TEAD3: variants seen among roughly 807,000 people sequenced by gnomAD.
TEAD3 encodes the protein TEA domain transcription factor 3.
Under a neutral mutation model 55.6 loss-of-function variants are expected in TEAD3, and 15 were observed. That is an observed-to-expected ratio of 0.27 (90% CI 0.18 to 0.42). TEAD3 has a LOEUF of 0.42. TEAD3 is among the 10% of genes least tolerant of loss of function. The pLI is 1.00. For synonymous variants in TEAD3, 210 were observed against 232.2 expected (o/e 0.90, Z 0.87); for missense variants, 407 against 576.8 (o/e 0.71, Z 3.01).
At chr6:35,478,182 T>G (rs1474625574) in intron 7 of TEAD3, 93 bp downstream of exon 7, 28 of 1,492,540 alleles carry the variant, frequency 1.9e-5, no homozygotes, top group Non-Finnish European at 2.5e-5. Flanking sequence ...GAATTAAAAC[T>G]TTGCTCAGCT....
In TEAD3 at chr6:35,493,504, G is replaced by A. The variant is rs182280725; in HGVS notation, c.-50+3394C>T. 6.1e-4 allele frequency among the ~76,000 whole-genome samples: 93 copies of A among 152,190 alleles called. No homozygotes were observed. In the East Asian group the frequency reaches 0.012, roughly 19 times the overall value. ...CACGGTTTCTCTCACATACGGTGTCGCTTTCTGGTGCTCAGTGTCACCCAC... is the reference window on the plus strand; with the variant it reads ...CACGGTTTCTCTCACATACGGTGTCACTTTCTGGTGCTCAGTGTCACCCAC... On this transcript the variant is annotated intron_variant, in intron 1 of 12. Coordinates refer to ENST00000639578, the Ensembl canonical transcript of TEAD3.
rs1022724919 is a variant in TEAD3, at chr6:35,486,313, C to A, written c.202+148G>T. 4 of 950,196 alleles carry A rather than the reference C, an allele frequency of 4.2e-6. No homozygotes were observed. Among genetic ancestry groups the A allele is most frequent in the Non-Finnish European group, 6.1e-6 (4 of 652,276 alleles). The allele number at this position is 950,196 out of a possible 1,614,324, so 58.9% of individuals were successfully genotyped here. On this transcript the variant is annotated intron_variant, in intron 2 of 12. Transcript: ENST00000639578. The surrounding 1 kb of genome is among the most constrained non-coding windows in gnomAD (Gnocchi z 7.3). ...AGCCCGGCTTGTTTATGAGGAGGAG[C>A]GCGGAGGAGGATCCAGACACACAGG...
rs1025812890 is a variant in TEAD3 at position 35,488,784 on chromosome 6, C to T, written c.-49-2073G>A. On this transcript the variant is annotated intron_variant, in intron 1 of 12. Coordinates refer to ENST00000639578, the Ensembl canonical transcript of TEAD3. The surrounding 1 kb of genome is among the most constrained non-coding windows in gnomAD (Gnocchi z 4.2). ...TGTCGCCCAGGCTAGAGTGCAATGG[C>T]GCGATCTCTGCTCACCGCAACCTCC... Among the ~76,000 whole-genome samples the T allele has an allele frequency of 8.5e-5, 13 of 152,198 alleles. No homozygotes were observed. Among genetic ancestry groups the T allele is most frequent in the South Asian group, 6.2e-4 (3 of 4,824 alleles).
rs927461634 is a variant in TEAD3 at position 35,486,089 on chromosome 6, C to T, written c.202+372G>A. Among the ~76,000 whole-genome samples the T allele has an allele frequency of 6.6e-6, 1 of 152,218 alleles. No individual in the cohort carries two copies. Among genetic ancestry groups the T allele is most frequent in the South Asian group, 2.1e-4 (1 of 4,836 alleles). ...AGAACTATACGGGCTGTGGGAGTCA[C>T]CGGGCGACTATCACCGGGCCTCCTT... On this transcript the variant is annotated intron_variant, in intron 2 of 12. Transcript: ENST00000639578. The surrounding 1 kb of genome is among the most constrained non-coding windows in gnomAD (Gnocchi z 7.3).
At chr6:35,479,477 T>G (rs1187937141) in intron 4 of TEAD3, among the ~76,000 whole-genome samples, 161 bp from the exon 5 acceptor site, 1 of 151,950 alleles carries the variant, frequency 6.6e-6, no homozygotes, top group Non-Finnish European at 1.5e-5. Flanking sequence ...ACAGAGGGAG[T>G]GCCTGCCAGC....
At chr6:35,480,502 A>G in intron 3 of TEAD3, 128 bp from the exon 4 acceptor site, 2 of 948,588 alleles carry the variant, frequency 2.1e-6, no homozygotes, top group Non-Finnish European at 3.2e-6. Context: ...AAATGGGGGG[A>G]CCTTTTTTCT....
intron 3 of TEAD3, among the ~76,000 whole-genome samples, chr6:35,481,405 A>C (rs1233708864): frequency 6.6e-6 from 1 of 152,156 alleles, no homozygotes; most frequent in African/African-American, 2.4e-5. Flanking sequence ...TCCCACAAAG[A>C]AAGCTCGTTT....
At chr6:35,477,026 G>T (rs1300058968) in intron 8 of TEAD3, among the ~76,000 whole-genome samples, 1 of 152,152 alleles carries the variant, frequency 6.6e-6, no homozygotes, top group Non-Finnish European at 1.5e-5. Flanking sequence ...TCACCATGTT[G>T]TTCAGGCTGG....
chr6:35,474,244 G>C (rs1409028312), downstream of TEAD3: 4 of 152,674 alleles, frequency 2.6e-5, no homozygotes, highest in African/African-American at 9.7e-5. Flanking sequence ...AGGTGCTAAT[G>C]GGGTCTAGTA....
At chr6:35,481,541 C>A (rs949240314) in intron 3 of TEAD3, among the ~76,000 whole-genome samples, 4 of 152,200 alleles carry the variant, frequency 2.6e-5, no homozygotes, top group East Asian at 1.9e-4. Context: ...AAATTACTGA[C>A]CACTTCACGC....
chr6:35,481,549 C>T (rs9394299), intron 3 of TEAD3, among the ~76,000 whole-genome samples: 43,758 of 152,178 alleles, frequency 0.29, 10,815 homozygotes, highest in African/African-American at 0.67. Flanking sequence ...GACCACTTCA[C>T]GCTGTGACAG....
In TEAD3 at chr6:35,488,459, G is replaced by A. The variant is rs987485553; in HGVS notation, c.-49-1748C>T. Among the ~76,000 whole-genome samples, 2 of 152,092 alleles carry A rather than the reference G, an allele frequency of 1.3e-5. No individual in the cohort carries two copies. The highest frequency in any genetic ancestry group is 2.9e-5 in the Non-Finnish European group (2 of 68,016). Reference sequence around the variant, plus strand: ...TGTATTCAGGGTCCTGGAAACCTAAGAGCCCATGATGGCTGGATCCTGGGA... The same window carrying A: ...TGTATTCAGGGTCCTGGAAACCTAAAAGCCCATGATGGCTGGATCCTGGGA... On this transcript the variant is annotated intron_variant, in intron 1 of 12. Coordinates refer to ENST00000639578, the Ensembl canonical transcript of TEAD3. This position sits in a 1 kb window ranked among gnomAD's most constrained non-coding sequence, Gnocchi z 4.2.
Position 35,480,293 on chromosome 6 carries a change from C to T in TEAD3, c.268-171G>A, listed in dbSNP as rs755231398. ...GGGGCCCAGGAGGGCTGAAGGCCCC[C>T]GCCAGGCACCCAACATACCTTGATG... On this transcript the variant is annotated intron_variant, in intron 3 of 12. Transcript: ENST00000639578. The T allele has an allele frequency of 3.8e-5, 61 of 1,612,420 alleles. No individual in the cohort carries two copies. Among genetic ancestry groups the T allele is most frequent in the Non-Finnish European group, 4.7e-5 (56 of 1,179,290 alleles).
At chr6:35,495,149 G>A (rs1271300851) in intron 1 of TEAD3, among the ~76,000 whole-genome samples, 2 of 152,214 alleles carry the variant, frequency 1.3e-5, no homozygotes, top group Non-Finnish European at 2.9e-5. Context: ...AGGTCCGGAG[G>A]GGACCAGATC....
chr6:35,475,266 G>A lies in TEAD3; in HGVS notation c.1194+70C>T, dbSNP rs753037524. 5.9e-5 allele frequency: 94 copies of A among 1,603,794 alleles called. No homozygotes were observed. Among genetic ancestry groups the A allele is most frequent in the Non-Finnish European group, 7.9e-5 (93 of 1,173,342 alleles). ...CCGGATCTATGCCTCTCAGCCAAGC[G>A]ATGTGTCTGGCTACCCAACTTGGAG... is the stretch of plus-strand genomic sequence containing the variant. On this transcript the variant is annotated intron_variant, in intron 12 of 12. Coordinates refer to ENST00000639578, the Ensembl canonical transcript of TEAD3. The surrounding 1 kb of genome is among the most constrained non-coding windows in gnomAD (Gnocchi z 5.4).
chr6:35,492,948 A>G (rs916208241), intron 1 of TEAD3, among the ~76,000 whole-genome samples: 9 of 152,004 alleles, frequency 5.9e-5, no homozygotes, highest in African/African-American at 1.7e-4. Flanking sequence ...GAGACAGACT[A>G]TAGGGGGTCA....
chr6:35,476,071 G>A, exon 10 of TEAD3: 1 of 1,537,886 alleles, frequency 6.5e-7, no homozygotes, highest in Non-Finnish European at 8.8e-7. Flanking sequence ...TGGCCGATGT[G>A]CACAAACAGG....
chr6:35,477,999 C>T (rs1768187358), intron 7 of TEAD3, among the ~76,000 whole-genome samples: 1 of 150,922 alleles, frequency 6.6e-6, no homozygotes, highest in Non-Finnish European at 1.5e-5. Context: ...TACAGGCACG[C>T]ACCACCACAC....
At position 35,486,773 on chromosome 6, in the gene TEAD3, C is replaced by T. The variant is rs1443269172; in HGVS notation, c.-49-62G>A. The T allele has an allele frequency of 5.8e-6, 7 of 1,204,466 alleles. No individual in the cohort carries two copies. In the African/African-American group the frequency reaches 9.0e-5, roughly 16 times the overall value. The allele number at this position is 1,204,466 out of a possible 1,614,324, so 74.6% of individuals were successfully genotyped here. ...CTCCTCGACCACAGCAATCTCCTAT[C>T]CCACAGCCGCTGGCTCTGGAGCTCC... On this transcript the variant is annotated intron_variant, in intron 1 of 12. Coordinates refer to ENST00000639578, the Ensembl canonical transcript of TEAD3. This position sits in a 1 kb window ranked among gnomAD's most constrained non-coding sequence, Gnocchi z 7.3.
Sources: gnomAD v4.1 joint callset for allele counts (sites outside exome capture counted in the v4.1 genomes callset) on GRCh38, gnomAD v4.1.1 for gene constraint, Gnocchi (gnomAD v3.1) non-coding constraint, MANE v1.5 for transcripts, NCBI Gene and HGNC (gene_info 2026-07-23, HGNC 2026-07-21) for gene names.